Variants in VWA3B observed in about 807,000 individuals in gnomAD.
VWA3B encodes the protein von Willebrand factor A domain-containing protein 3B.
In VWA3B, 138 loss-of-function variants were observed where a neutral mutation model predicts 158.3. The ratio of observed to expected loss-of-function variants is 0.87; its 90% confidence interval spans 0.76 to 1.00. The LOEUF is 1.00. Ranked by LOEUF, VWA3B falls within the 50% of genes least tolerant of loss-of-function variation. The pLI, the probability that VWA3B is intolerant of heterozygous loss-of-function variation, is 0.00. For missense variants in VWA3B, 1,555 were observed against 1,565.1 expected, an observed-to-expected ratio of 0.99 and a Z score of 0.11; for synonymous variants, 596 against 587.3, an observed-to-expected ratio of 1.01 and a Z score of -0.21.
rs759918911 is a variant in VWA3B at position 98,181,007 on chromosome 2, A to G, written c.1115-9A>G. 2.5e-6 allele frequency: 4 copies of G among 1,613,580 alleles called. No homozygotes were observed. Among genetic ancestry groups the G allele is most frequent in the South Asian group, 1.1e-5 (1 of 91,020 alleles). On this transcript the variant is annotated splice_polypyrimidine_tract_variant and intron_variant, in intron 8 of 27. Coordinates refer to ENST00000477737, the MANE Select transcript of VWA3B (RefSeq NM_144992.5). ...CAGTATGAATGGCTGACAAGCTGTG[A>G]TTCTACAGAGTCAGAAACAACCTCT...
At chr2:98,166,898 A>T (rs768279753) in intron 8 of VWA3B, among the ~76,000 whole-genome samples, 9 of 152,146 alleles carry the variant, frequency 5.9e-5, no homozygotes, top group Non-Finnish European at 1.0e-4. Flanking sequence ...CTCTATTGAA[A>T]AAGGAAAGTT....
downstream of VWA3B, among the ~76,000 whole-genome samples, chr2:98,317,821 A>G (rs974710585): frequency 1.3e-5 from 2 of 152,218 alleles, no homozygotes; most frequent in African/African-American, 2.4e-5. Flanking sequence ...GTCACGGGCC[A>G]TGGTCACTCA....
chr2:98,188,091 T>C lies in VWA3B; in HGVS notation c.1428T>C (p.Ser476=), dbSNP rs1359546328. The change falls in exon 10 of 28, where the codon AGT becomes AGC. Residue 476 remains serine, a synonymous_variant. Coordinates refer to ENST00000477737, the MANE Select transcript of VWA3B (RefSeq NM_144992.5). ...CCAAAGAGAAGTGCAAGTGGTACAG[T>C]GAGAGAATCCACACAGCCCTGGCCC... ...NITKEKCKWY[S]ERIHTALARI... 1 of 1,613,914 alleles carries C rather than the reference T, an allele frequency of 6.2e-7. No homozygotes were observed. The highest frequency in any genetic ancestry group is 1.1e-5 in the South Asian group (1 of 91,058).
At chr2:98,182,524 G>T (rs755643660) in intron 9 of VWA3B, among the ~76,000 whole-genome samples, 5 of 152,200 alleles carry the variant, frequency 3.3e-5, no homozygotes, top group Non-Finnish European at 7.3e-5. Flanking sequence ...TTGCTACAGC[G>T]CAGGGAAAAT....
At position 98,180,043 on chromosome 2, in the gene VWA3B, C is replaced by T. The variant is rs575934309; in HGVS notation, c.1115-973C>T. The stretch of plus-strand genomic sequence containing the variant: ...CTTTTTCTTTCTTCTCTCTCTCCTT[C>T]CTCCCTCCCTCCTTTTCTCTCTTTC... On this transcript the variant is annotated intron_variant, in intron 8 of 27. Coordinates refer to ENST00000477737, the MANE Select transcript of VWA3B (RefSeq NM_144992.5). Among the ~76,000 whole-genome samples, 5 of 146,590 alleles carry T rather than the reference C, an allele frequency of 3.4e-5. No homozygotes were observed. The East Asian group carries it at 1.0e-3, about 30-fold the overall frequency.
intron 22 of VWA3B, among the ~76,000 whole-genome samples, chr2:98,286,616 A>T (rs1411739582): frequency 1.3e-5 from 2 of 152,144 alleles, no homozygotes; most frequent in Non-Finnish European, 2.9e-5. Context: ...GTTGCATTCC[A>T]GGGACAAATC....
chr2:98,304,947 T>C (rs1690428180), intron 26 of VWA3B, among the ~76,000 whole-genome samples: 1 of 151,970 alleles, frequency 6.6e-6, no homozygotes, highest in African/African-American at 2.4e-5. Context: ...ACGTCCCCAC[T>C]CTCCTGTTCA....
At chr2:98,189,534 A>G (rs572167278) in intron 10 of VWA3B, among the ~76,000 whole-genome samples, 3 of 149,154 alleles carry the variant, frequency 2.0e-5, no homozygotes, top group Admixed American at 1.3e-4. Context: ...CAGATTTTGG[A>G]AAAAAAAAAT....
intron 12 of VWA3B, among the ~76,000 whole-genome samples, chr2:98,210,838 C>G (rs902197959): frequency 2.0e-5 from 3 of 152,156 alleles, no homozygotes; most frequent in Non-Finnish European, 4.4e-5. Context: ...ACCCAGGCAC[C>G]GTCAGTCAGA....
intron 22 of VWA3B, among the ~76,000 whole-genome samples, chr2:98,281,790 G>T (rs1266938552): frequency 6.6e-6 from 1 of 152,122 alleles, no homozygotes; most frequent in African/African-American, 2.4e-5. Flanking sequence ...TGTAGACAAG[G>T]CTAAATCAAA....
chr2:98,307,616 C>T lies in VWA3B; in HGVS notation c.3521+3814C>T, dbSNP rs1464384744. ...TAGCAGATGTTTAAGAATGTTAGCA[C>T]AGGTCTTTGAATAAATTTTGCTTCT... On this transcript the variant is annotated intron_variant, in intron 26 of 27. Coordinates refer to ENST00000477737, the MANE Select transcript of VWA3B (RefSeq NM_144992.5). 2.0e-5 allele frequency among the ~76,000 whole-genome samples: 3 copies of T among 152,176 alleles called. No individual in the cohort carries two copies. The South Asian group carries it at 6.2e-4, about 31-fold the overall frequency.
intron 12 of VWA3B, 81 bp downstream of exon 12, chr2:98,194,573 C>G: frequency 1.3e-6 from 2 of 1,531,694 alleles, no homozygotes; most frequent in Non-Finnish European, 8.9e-7. Context: ...ACAGACATTC[C>G]TGAGAGGTGT....
intron 11 of VWA3B, among the ~76,000 whole-genome samples, chr2:98,193,598 CTTT>C (rs376090829): frequency 7.0e-6 from 1 of 142,872 alleles, no homozygotes; most frequent in Admixed American, 7.0e-5. Context: ...ACAAAATGCA[CTTT>C]TTTTTTTTTT....
the VWA3B span, among the ~76,000 whole-genome samples, chr2:98,320,165 G>A: frequency 2.0e-5 from 3 of 152,242 alleles, no homozygotes; most frequent in South Asian, 2.1e-4. Flanking sequence ...TCTCATGAGA[G>A]CTGATGGTTT....
intron 22 of VWA3B, among the ~76,000 whole-genome samples, chr2:98,281,205 GGA>G (rs1312134758): frequency 1.3e-5 from 2 of 152,170 alleles, no homozygotes; most frequent in Non-Finnish European, 2.9e-5. Flanking sequence ...AAATGAGCGG[GGA>G]GAGAGTGAGT....
intron 7 of VWA3B, among the ~76,000 whole-genome samples, chr2:98,139,489 A>G (rs985513134): frequency 1.3e-5 from 2 of 152,104 alleles, no homozygotes; most frequent in African/African-American, 4.8e-5. Context: ...GACGTGGAGA[A>G]CCTTTATGTC....
chr2:98,320,487 C>T, the VWA3B span, among the ~76,000 whole-genome samples: 2 of 152,132 alleles, frequency 1.3e-5, no homozygotes, highest in South Asian at 2.1e-4. Flanking sequence ...CAGAAAAAGA[C>T]AGGAAAATGT....
chr2:98,197,076 C>T (rs1055143979), intron 12 of VWA3B, among the ~76,000 whole-genome samples: 3 of 152,196 alleles, frequency 2.0e-5, no homozygotes, highest in Non-Finnish European at 2.9e-5. Context: ...TCTCACATGA[C>T]ATTTAGTTGC....
chr2:98,279,038 C>T (rs1688710485), intron 22 of VWA3B, among the ~76,000 whole-genome samples: 1 of 152,122 alleles, frequency 6.6e-6, no homozygotes, highest in Non-Finnish European at 1.5e-5. Flanking sequence ...CCTGATGGGC[C>T]TCCAGGGCAT....
Sources: gnomAD v4.1 joint callset for allele counts (sites outside exome capture counted in the v4.1 genomes callset) on GRCh38, gnomAD v4.1.1 for gene constraint, MANE v1.5 for transcripts, NCBI Gene and HGNC (gene_info 2026-07-23, HGNC 2026-07-21) for gene names.